The following SYT14 variants were observed in gnomAD, a reference collection of about 807,000 sequenced individuals.
SYT14 encodes synaptotagmin-14.
SYT14 carries 32 observed loss-of-function variants against 74.2 expected under a neutral mutation model. That is an observed-to-expected ratio of 0.43 (90% CI 0.33 to 0.58). The LOEUF (loss-of-function observed/expected upper bound fraction) is 0.58, where lower values mean the gene tolerates loss of function less well. Ranked by LOEUF, SYT14 falls within the 20% of genes least tolerant of loss-of-function variation. The pLI is 0.05. For synonymous variants in SYT14, 298 were observed against 337.7 expected, an observed-to-expected ratio of 0.88 and a Z score of 1.29; for missense variants, 791 against 981.8, an observed-to-expected ratio of 0.81 and a Z score of 2.60.
chr1:210,151,511 C>CT (rs1553289530), intron 7 of SYT14, among the ~76,000 whole-genome samples: 5 of 139,708 alleles, frequency 3.6e-5, no homozygotes, highest in East Asian at 4.0e-4. Flanking sequence ...AATGCCCCCC[C>CT]CCTTTTTTTT....
chr1:210,118,848 A>G (rs902606131), intron 7 of SYT14, among the ~76,000 whole-genome samples: 1 of 152,174 alleles, frequency 6.6e-6, no homozygotes, highest in Non-Finnish European at 1.5e-5. Context: ...GTTGTTCTTC[A>G]GGTCTACCCT....
intron 5 of SYT14, among the ~76,000 whole-genome samples, chr1:210,073,689 T>C (rs576831145): frequency 6.2e-4 from 94 of 152,168 alleles, no homozygotes; most frequent in Non-Finnish European, 1.2e-3. Flanking sequence ...TGTTTTGGGT[T>C]TTTGTTTTTG....
chr1:210,102,143 G>A (rs2082078838), intron 7 of SYT14, among the ~76,000 whole-genome samples: 1 of 152,014 alleles, frequency 6.6e-6, no homozygotes, highest in African/African-American at 2.4e-5. Context: ...GTGCAGGTTT[G>A]TTATATAGGT....
chr1:210,018,948 C>T (rs898779525), intron 4 of SYT14, among the ~76,000 whole-genome samples: 68 of 151,850 alleles, frequency 4.5e-4, no homozygotes, highest in Non-Finnish European at 7.2e-4. Context: ...CCATCCTGGC[C>T]AACATGGTGA....
intron 5 of SYT14, among the ~76,000 whole-genome samples, chr1:210,031,686 G>A (rs1040580812): frequency 6.6e-6 from 1 of 152,094 alleles, no homozygotes; most frequent in African/African-American, 2.4e-5. Context: ...CAAATTTGTA[G>A]GCATAGAGTT....
intron 7 of SYT14, among the ~76,000 whole-genome samples, chr1:210,108,680 G>C (rs1377082990): frequency 6.6e-6 from 1 of 151,952 alleles, no homozygotes. Flanking sequence ...ATGTGTTTGG[G>C]ATATAAACAG....
rs548933293 is a variant in SYT14, at chr1:209,954,127, A to G, written c.-486+1371A>G. 4.6e-5 allele frequency among the ~76,000 whole-genome samples: 7 copies of G among 152,350 alleles called. No homozygotes were observed. In the South Asian group the frequency reaches 1.4e-3, roughly 32 times the overall value. ...ACACAGTAAAGCTTAGTTGGAGTCA[A>G]AAGCTATTAAAGGTGTGGTCAGGTG... On this transcript the variant is annotated intron_variant, in intron 2 of 9. Transcript: ENST00000637265.
chr1:210,043,408 A>G (rs2080829686), intron 5 of SYT14, among the ~76,000 whole-genome samples: 2 of 148,568 alleles, frequency 1.3e-5, no homozygotes, highest in Non-Finnish European at 1.5e-5. Context: ...TAACATTCTA[A>G]AAAGTTTTGG....
At chr1:209,969,153 G>T (rs922979181) in intron 2 of SYT14, among the ~76,000 whole-genome samples, 1 of 152,062 alleles carries the variant, frequency 6.6e-6, no homozygotes, top group Non-Finnish European at 1.5e-5. Flanking sequence ...CTGTTGATGG[G>T]CACCTAGGTT....
chr1:209,991,613 T>C (rs1258162957), intron 2 of SYT14, among the ~76,000 whole-genome samples: 1 of 152,152 alleles, frequency 6.6e-6, no homozygotes, highest in Non-Finnish European at 1.5e-5. Context: ...ATAGCTGTTA[T>C]TAAAAAGTCA....
intron 7 of SYT14, among the ~76,000 whole-genome samples, chr1:210,121,481 GAT>G (rs2082459721): frequency 1.3e-5 from 2 of 152,170 alleles, no homozygotes; most frequent in Admixed American, 1.3e-4. Context: ...ATGTTTTTGA[GAT>G]ACAACTTTTT....
exon 10 of SYT14, chr1:210,161,476 A>G (rs1477006894): frequency 2.2e-6 from 1 of 454,212 alleles, no homozygotes; most frequent in East Asian, 6.9e-5. Context: ...GGTGTTTGTA[A>G]TGTTCTTTAA....
intron 2 of SYT14, among the ~76,000 whole-genome samples, chr1:209,995,650 G>A (rs1380424825): frequency 2.6e-5 from 4 of 152,084 alleles, no homozygotes; most frequent in African/African-American, 9.7e-5. Flanking sequence ...GACATCTACA[G>A]AACACTCCAC....
intron 2 of SYT14, chr1:209,953,270 T>C: frequency 2.3e-6 from 3 of 1,286,392 alleles, no homozygotes; most frequent in Non-Finnish European, 3.0e-6. Context: ...GTAATTCAGT[T>C]ACTAGGTGGG....
chr1:210,083,719 G>A (rs979462806), intron 5 of SYT14, among the ~76,000 whole-genome samples: 19 of 151,894 alleles, frequency 1.3e-4, no homozygotes, highest in East Asian at 7.7e-4. Context: ...ATAGACACAC[G>A]TCACCACCCC....
chr1:210,073,993 A>T (rs1378947596), intron 5 of SYT14, among the ~76,000 whole-genome samples: 3 of 152,196 alleles, frequency 2.0e-5, no homozygotes, highest in Admixed American at 2.0e-4. Context: ...ATGTAAAAAC[A>T]TAACATTTTT....
intron 5 of SYT14, among the ~76,000 whole-genome samples, chr1:210,080,627 A>G (rs2081599425): frequency 6.6e-6 from 1 of 152,220 alleles, no homozygotes; most frequent in African/African-American, 2.4e-5. Context: ...GTGATGTAGC[A>G]ACTGCATTTC....
chr1:210,121,577 A>G (rs904283306), intron 7 of SYT14, among the ~76,000 whole-genome samples: 29 of 152,172 alleles, frequency 1.9e-4, no homozygotes, highest in South Asian at 4.2e-4. Flanking sequence ...GGCGGATCAC[A>G]AGGTCAGGAG....
At chr1:209,952,619 T>A in intron 1 of SYT14, 90 bp from the exon 2 acceptor site, 1 of 1,156,496 alleles carries the variant, frequency 8.6e-7, no homozygotes, top group Non-Finnish European at 1.3e-6. Context: ...TTGAGGTCAC[T>A]TTTAGGTGCT....
Sources: gnomAD v4.1 joint callset for allele counts (sites outside exome capture counted in the v4.1 genomes callset) on GRCh38, gnomAD v4.1.1 for gene constraint, MANE v1.5 for transcripts, NCBI Gene and HGNC (gene_info 2026-07-23, HGNC 2026-07-21) for gene names.